SEMA3D: variants seen among roughly 807,000 people sequenced by gnomAD.
The protein encoded by SEMA3D is semaphorin 3D.
A neutral mutation model predicts 100.1 loss-of-function variants in SEMA3D; 84 were observed. That is an observed-to-expected ratio of 0.84 (90% CI 0.70 to 1.01). SEMA3D has a LOEUF of 1.01. Ranked by LOEUF, SEMA3D falls within the 50% of genes least tolerant of loss-of-function variation. SEMA3D has a pLI of 0.00. For missense variants in SEMA3D, 875 were observed against 934.1 expected (o/e 0.94, Z 0.82); for synonymous variants, 312 against 320.7 (o/e 0.97, Z 0.29).
At chr7:85,027,957 T>C in intron 12 of SEMA3D, 1 of 584,870 alleles carries the variant, frequency 1.7e-6, no homozygotes, top group Non-Finnish European at 3.3e-6. Flanking sequence ...CTATGTCACC[T>C]TTACGGATAC....
At chr7:85,196,574 C>T in the SEMA3D span, among the ~76,000 whole-genome samples, 1 of 152,040 alleles carries the variant, frequency 6.6e-6, no homozygotes, top group African/African-American at 2.4e-5. Flanking sequence ...ACATCCTTTA[C>T]ATATGCAGAA....
At chr7:85,104,648 C>G (rs144032425) in intron 3 of SEMA3D, among the ~76,000 whole-genome samples, 2 of 151,970 alleles carry the variant, frequency 1.3e-5, no homozygotes, top group Non-Finnish European at 2.9e-5. Flanking sequence ...TAGGATTAAG[C>G]AACACAGACT....
chr7:85,250,213 T>G, the SEMA3D span, among the ~76,000 whole-genome samples: 6 of 142,108 alleles, frequency 4.2e-5, no homozygotes, highest in African/African-American at 1.3e-4. Context: ...GCTCGGAGGG[T>G]CCTACGTCCA....
chr7:85,072,680 C>T (rs1791808311), intron 6 of SEMA3D, among the ~76,000 whole-genome samples: 1 of 152,110 alleles, frequency 6.6e-6, no homozygotes, highest in Non-Finnish European at 1.5e-5. Flanking sequence ...CATAGAATGG[C>T]TAGGAACATG....
intron 1 of SEMA3D, among the ~76,000 whole-genome samples, chr7:85,169,343 T>C (rs183564415): frequency 1.7e-3 from 254 of 151,982 alleles, no homozygotes; most frequent in Non-Finnish European, 3.2e-3. Flanking sequence ...ATATTTAGAA[T>C]AAAATTGAAC....
At chr7:85,038,451 T>C (rs926109371) in intron 11 of SEMA3D, among the ~76,000 whole-genome samples, 8 of 152,224 alleles carry the variant, frequency 5.3e-5, no homozygotes, top group African/African-American at 1.7e-4. Flanking sequence ...AGGTTTATTA[T>C]GTCTTCTTGT....
At chr7:85,116,177 G>T (rs781491674) in intron 3 of SEMA3D, among the ~76,000 whole-genome samples, 13 of 149,482 alleles carry the variant, frequency 8.7e-5, no homozygotes, top group African/African-American at 1.2e-4. Flanking sequence ...CAGAGAGAGA[G>T]ATATATAAAA....
the SEMA3D span, among the ~76,000 whole-genome samples, chr7:85,241,545 G>T: frequency 6.9e-6 from 1 of 145,544 alleles, no homozygotes; most frequent in East Asian, 2.3e-4. Context: ...CAGCAACCTG[G>T]ATGGGATTGG....
chr7:85,004,125 C>T (rs1313279288), intron 18 of SEMA3D, among the ~76,000 whole-genome samples: 1 of 150,990 alleles, frequency 6.6e-6, no homozygotes, highest in African/African-American at 2.4e-5. Context: ...GGGTAGGATG[C>T]GTGGGAGACA....
At chr7:85,019,434 A>G (rs1021139173) in intron 14 of SEMA3D, among the ~76,000 whole-genome samples, 1 of 151,694 alleles carries the variant, frequency 6.6e-6, no homozygotes, top group African/African-American at 2.4e-5. Context: ...ATCACAACAT[A>G]AACAGGATCC....
rs188027931 is a variant in SEMA3D at position 85,180,583 on chromosome 7, C to A, written c.-173+6095G>T. ...CTTTTAAATTTACAGAAACATTGAG[C>A]AAATAGTACAGATAAGTCTGCCATA... On this transcript the variant is annotated intron_variant, in intron 1 of 18. Coordinates refer to ENST00000284136, the MANE Select transcript of SEMA3D (RefSeq NM_001384900.1). Among the ~76,000 whole-genome samples, 7 of 152,246 alleles carry A rather than the reference C, an allele frequency of 4.6e-5. No individual in the cohort carries two copies. The East Asian group carries it at 1.2e-3, about 25-fold the overall frequency.
intron 1 of SEMA3D, among the ~76,000 whole-genome samples, chr7:85,159,699 A>G (rs556377059): frequency 6.6e-6 from 1 of 152,320 alleles, no homozygotes; most frequent in East Asian, 1.9e-4. Context: ...TCACTTAATC[A>G]TCGTAGTGCT....
At chr7:85,083,513 C>A (rs1291182817) in intron 4 of SEMA3D, among the ~76,000 whole-genome samples, 4 of 152,150 alleles carry the variant, frequency 2.6e-5, no homozygotes, top group Non-Finnish European at 5.9e-5. Flanking sequence ...CTTTGTTATT[C>A]ATCATTGCTG....
chr7:85,151,559 T>C lies in SEMA3D; in HGVS notation c.-41+2049A>G, dbSNP rs62462194. The C allele has an allele frequency of 4.7e-6, 4 of 848,606 alleles. No individual in the cohort carries two copies. In the African/African-American group the frequency reaches 7.4e-5, roughly 16 times the overall value. 52.6% of individuals were successfully genotyped at this position (848,606 alleles called of 1,614,324 possible). A position where few individuals can be genotyped will look rare whatever the true frequency, so the allele number is the denominator to read the frequency against. On this transcript the variant is annotated intron_variant, in intron 2 of 18. Transcript: ENST00000284136. ...ATATATATTTCTATGCTGGTTAAAA[T>C]AGAGCACCGTAGTTGATGTGTGTAT...
At chr7:85,078,252 A>G (rs1787943840) in intron 5 of SEMA3D, among the ~76,000 whole-genome samples, 2 of 151,906 alleles carry the variant, frequency 1.3e-5, no homozygotes, top group African/African-American at 4.8e-5. Flanking sequence ...TGAACATTCT[A>G]TTTTAGTTTT....
At chr7:85,099,025 A>T (rs930461372) in intron 3 of SEMA3D, among the ~76,000 whole-genome samples, 1 of 151,908 alleles carries the variant, frequency 6.6e-6, no homozygotes, top group Non-Finnish European at 1.5e-5. Context: ...TATTAGTGCT[A>T]ATATTTTGTT....
intron 2 of SEMA3D, among the ~76,000 whole-genome samples, chr7:85,149,611 T>C (rs1790309714): frequency 6.6e-6 from 1 of 152,202 alleles, no homozygotes; most frequent in African/African-American, 2.4e-5. Flanking sequence ...AGGGAATATT[T>C]GCCATAATGG....
chr7:85,036,958 A>C lies in SEMA3D; in HGVS notation c.1122T>G (p.Ala374=), dbSNP rs1239404491. The C allele has an allele frequency of 6.2e-7, 1 of 1,612,960 alleles. No homozygotes were observed. Among genetic ancestry groups the C allele is most frequent in the Non-Finnish European group, 8.5e-7 (1 of 1,179,202 alleles). The part of the protein sequence containing the change: ...DIRAVFNGPY[A]HKESADHRWV... Reference sequence around the variant, plus strand: ...AACGATGGTCTGCACTTTCCTTATGAGCATATGGACCATTAAAAACTGCTC... The same window carrying C: ...AACGATGGTCTGCACTTTCCTTATGCGCATATGGACCATTAAAAACTGCTC... Residue 374 remains alanine, a synonymous_variant, in exon 12 of 19, where the codon GCT becomes GCG. Coordinates refer to ENST00000284136, the MANE Select transcript of SEMA3D (RefSeq NM_001384900.1).
intron 18 of SEMA3D, among the ~76,000 whole-genome samples, chr7:85,002,377 T>C (rs920236717): frequency 2.6e-5 from 4 of 152,188 alleles, no homozygotes; most frequent in Non-Finnish European, 4.4e-5. Context: ...ATGCTTTCAG[T>C]AAACTGGCAG....
Sources: allele counts gnomAD v4.1 joint callset (sites outside exome capture counted in the v4.1 genomes callset), GRCh38; gene constraint gnomAD v4.1.1; transcripts MANE v1.5; gene names NCBI Gene and HGNC (gene_info 2026-07-23, HGNC 2026-07-21).